MACF1: variants seen among roughly 807,000 people sequenced by gnomAD.
The protein encoded by MACF1 is microtubule actin crosslinking factor 1.
In MACF1, 193 loss-of-function variants were observed where a neutral mutation model predicts 854.8. The ratio of observed to expected loss-of-function variants is 0.23; its 90% CI spans 0.20 to 0.25. The LOEUF is 0.25. Among genes scored for constraint, MACF1 ranks in the 10% least tolerant of loss-of-function variants. The pLI is 1.00. For synonymous variants in MACF1, 3,185 were observed against 3,226.7 expected, an observed-to-expected ratio of 0.99 and a Z score of 0.44; for missense variants, 7,722 against 8,929.1, an observed-to-expected ratio of 0.86 and a Z score of 5.45.
In MACF1 at chr1:39,336,483, AC is replaced by A. The variant is rs1212770855; in HGVS notation, c.9897del (p.Ser3300ValfsTer8). The A allele has an allele frequency of 1.2e-6, 2 of 1,614,066 alleles. No homozygotes were observed. Among genetic ancestry groups the A allele is most frequent in the Non-Finnish European group, 1.7e-6 (2 of 1,180,034 alleles). ...CATCATTAGTCCTACTGTTCTAGAG[AC>A]CAGTGAAGAAAAGACAGTGTCCCTA... ...NAIISPTVLETSEEKTVSLTV... is the reference protein window; with the variant it reads ...NAIISPTVLEXSEEKTVSLTV... On this transcript the variant is annotated frameshift_variant, in exon 37 of 101. Transcript: ENST00000564288. LOFTEE classifies it high-confidence loss of function.
At chr1:39,367,605 T>C (rs1479309385) in intron 49 of MACF1, among the ~76,000 whole-genome samples, 3 of 152,254 alleles carry the variant, frequency 2.0e-5, no homozygotes, top group East Asian at 1.9e-4. Flanking sequence ...AGATCACAAG[T>C]TGGTAAGTGG....
At chr1:39,372,162 T>C (rs1569765637) in intron 51 of MACF1, among the ~76,000 whole-genome samples, 1 of 152,220 alleles carries the variant, frequency 6.6e-6, no homozygotes, top group Non-Finnish European at 1.5e-5. Context: ...CAGAATTAGA[T>C]AGAACTCCTC....
chr1:39,419,486 C>T (rs1362659631), intron 58 of MACF1, among the ~76,000 whole-genome samples: 1 of 151,588 alleles, frequency 6.6e-6, no homozygotes, highest in Non-Finnish European at 1.5e-5. Context: ...ATTTGGGATG[C>T]TCAACCGGTA....
At chr1:39,279,911 C>T (rs1215206615) in intron 6 of MACF1, among the ~76,000 whole-genome samples, 12 of 151,906 alleles carry the variant, frequency 7.9e-5, no homozygotes, top group Non-Finnish European at 2.9e-5. Context: ...GGTCATTACT[C>T]GAAGTCTGAA....
intron 2 of MACF1, among the ~76,000 whole-genome samples, chr1:39,180,609 C>A (rs1644091905): frequency 1.3e-5 from 2 of 152,178 alleles, no homozygotes; most frequent in South Asian, 2.1e-4. Flanking sequence ...GAGCGATACT[C>A]CACCTCACAC....
intron 2 of MACF1, among the ~76,000 whole-genome samples, chr1:39,143,631 T>G (rs1460580315): frequency 6.6e-6 from 1 of 152,132 alleles, no homozygotes; most frequent in Non-Finnish European, 1.5e-5. Context: ...ATACTTCTTA[T>G]GCAGGTTGCC....
chr1:39,232,237 AGAATCT>A (rs1170570565), intron 2 of MACF1, among the ~76,000 whole-genome samples: 2 of 151,844 alleles, frequency 1.3e-5, no homozygotes. Context: ...TGTGGCAGTT[AGAATCT>A]GAAAACAAAG....
intron 2 of MACF1, among the ~76,000 whole-genome samples, chr1:39,093,185 G>A (rs1212443496): frequency 6.6e-6 from 1 of 151,900 alleles, no homozygotes; most frequent in African/African-American, 2.4e-5. Flanking sequence ...TTAAACAATA[G>A]TTCTGCAGTG....
rs1179659869 is a variant in MACF1, at chr1:39,335,159, G to A, written c.8571G>A (p.Met2857Ile). The change falls in exon 37 of 101, where the codon ATG becomes ATA. Residue 2857 changes from methionine (M) to isoleucine (I), a missense_variant. Coordinates refer to ENST00000564288, the MANE Select transcript of MACF1 (RefSeq NM_001394062.1). ...FGCKDQRKPR[M>I]SSDAKEFISI... ...GCAAGGATCAACGTAAGCCAAGAAT[G>A]TCTTCAGATGCTAAAGAATTTATCA... is the stretch of plus-strand genomic sequence containing the variant. 2 of 1,613,862 alleles carry A rather than the reference G, an allele frequency of 1.2e-6. No homozygotes were observed. Among genetic ancestry groups the A allele is most frequent in the African/African-American group, 2.7e-5 (2 of 74,898 alleles).
intron 58 of MACF1, among the ~76,000 whole-genome samples, chr1:39,395,603 G>C (rs1333295328): frequency 6.6e-6 from 1 of 152,196 alleles, no homozygotes; most frequent in Non-Finnish European, 1.5e-5. Flanking sequence ...ACTTCAGGGA[G>C]CTTCCTTGTT....
intron 41 of MACF1, among the ~76,000 whole-genome samples, chr1:39,348,543 T>C (rs1647107837): frequency 6.6e-6 from 1 of 152,200 alleles, no homozygotes; most frequent in African/African-American, 2.4e-5. Flanking sequence ...TCCTAACCCA[T>C]GAAGATCCTG....
At chr1:39,429,681 G>T in intron 64 of MACF1, 146 bp from the exon 65 acceptor site, 1 of 751,922 alleles carries the variant, frequency 1.3e-6, no homozygotes, top group Non-Finnish European at 2.2e-6. Flanking sequence ...TTTCCCATTT[G>T]CCCTTAGTAT....
At chr1:39,266,770 T>G (rs1645238093) in intron 6 of MACF1, among the ~76,000 whole-genome samples, 1 of 152,136 alleles carries the variant, frequency 6.6e-6, no homozygotes, top group Admixed American at 6.6e-5. Flanking sequence ...ATATATAATT[T>G]TATTCTCCAT....
intron 100 of MACF1, chr1:39,485,145 T>A (rs1036327745): frequency 3.3e-6 from 1 of 305,772 alleles, no homozygotes; most frequent in Non-Finnish European, 6.1e-6. Context: ...CTACTGTTCC[T>A]CATGGGAACC....
intron 58 of MACF1, chr1:39,412,720 A>G (rs777273625): frequency 1.7e-5 from 28 of 1,613,832 alleles, no homozygotes; most frequent in Non-Finnish European, 2.4e-5. Flanking sequence ...CAAGGCTGGT[A>G]ATACTGAACC....
At chr1:39,478,876 A>G (rs1392621666) in intron 97 of MACF1, among the ~76,000 whole-genome samples, 2 of 152,214 alleles carry the variant, frequency 1.3e-5, no homozygotes, top group Non-Finnish European at 2.9e-5. Flanking sequence ...AAGAGTGCAC[A>G]GTTTAGGGTG....
At chr1:39,218,394 C>CCATAGACT (rs1310774584) in intron 1 of MACF1, among the ~76,000 whole-genome samples, 2 of 152,086 alleles carry the variant, frequency 1.3e-5, no homozygotes, top group Non-Finnish European at 2.9e-5. Flanking sequence ...AAGGTATGAA[C>CCATAGACT]CATAGACTAG....
At chr1:39,120,150 C>T (rs1301359936) in intron 2 of MACF1, among the ~76,000 whole-genome samples, 1 of 151,984 alleles carries the variant, frequency 6.6e-6, no homozygotes, top group Non-Finnish European at 1.5e-5. Flanking sequence ...TCCGAAAGTG[C>T]TGGGATTACA....
intron 40 of MACF1, among the ~76,000 whole-genome samples, chr1:39,342,464 G>A (rs1646955214): frequency 6.6e-6 from 1 of 151,858 alleles, no homozygotes; most frequent in Non-Finnish European, 1.5e-5. Flanking sequence ...CTGTGAAATC[G>A]CCGCAGTGCT....
Sources: allele counts gnomAD v4.1 joint callset (sites outside exome capture counted in the v4.1 genomes callset), GRCh38; gene constraint gnomAD v4.1.1; transcripts MANE v1.5; gene names NCBI Gene and HGNC (gene_info 2026-07-23, HGNC 2026-07-21).